PCDHA13: variants seen among roughly 807,000 people sequenced by gnomAD.
The protein encoded by PCDHA13 is protocadherin alpha-13.
PCDHA13 carries 54 observed loss-of-function variants against 64.8 expected under a neutral mutation model. That is an observed-to-expected ratio of 0.83 (90% confidence interval 0.67 to 1.04). The LOEUF (loss-of-function observed/expected upper bound fraction) is 1.04, where lower values mean the gene tolerates loss of function less well. PCDHA13 is among the 50% of genes least tolerant of loss of function. PCDHA13 has a pLI of 0.00. For missense variants in PCDHA13, 1,248 were observed against 1,254.3 expected, an observed-to-expected ratio of 0.99 and a Z score of 0.08; for synonymous variants, 587 against 564.4, an observed-to-expected ratio of 1.04 and a Z score of -0.57.
Position 140,923,432 on chromosome 5 carries a change from G to A in PCDHA13, c.2394+38770G>A, listed in dbSNP as rs116357562. Among the ~76,000 whole-genome samples, 1,228 of 152,230 alleles carry A rather than the reference G, an allele frequency of 8.1e-3. 6 individuals are homozygous for A. The highest frequency in any genetic ancestry group is 0.019 in the African/African-American group (793 of 41,542). The stretch of plus-strand genomic sequence containing the variant: ...AATCCTGGCTACTTGGGAGGCTGGG[G>A]TGGGAGGATCACCTGAGCCCAGAGA... On this transcript the variant is annotated intron_variant, in intron 1 of 3. Transcript: ENST00000289272.
intron 1 of PCDHA13, among the ~76,000 whole-genome samples, chr5:140,974,406 T>C (rs903349256): frequency 3.9e-5 from 6 of 152,226 alleles, no homozygotes; most frequent in Non-Finnish European, 8.8e-5. Flanking sequence ...GTTCTAAAGT[T>C]ATGTTTATTT....
intron 1 of PCDHA13, among the ~76,000 whole-genome samples, chr5:140,960,799 A>C (rs2095571237): frequency 6.6e-6 from 1 of 152,170 alleles, no homozygotes; most frequent in Non-Finnish European, 1.5e-5. Flanking sequence ...TTTCTATTAA[A>C]ATAAGAGGTC....
rs139717123 is a variant in PCDHA13, at chr5:140,967,213, G to A, written c.2395-11736G>A. 8 of 1,613,598 alleles carry A rather than the reference G, an allele frequency of 5.0e-6. No individual in the cohort carries two copies. The African/African-American group carries it at 8.0e-5, about 16-fold the overall frequency. On this transcript the variant is annotated intron_variant, in intron 1 of 3. Coordinates refer to ENST00000289272, the MANE Select transcript of PCDHA13 (RefSeq NM_018904.3). ...TCAACGACAACTCACCGCGTTTCCC[G>A]CGGCCCAACTACCAGCTTCAGGTAA...
rs782807362 is a variant in PCDHA13 at position 140,884,482 on chromosome 5, T to G, written c.2214T>G (p.Thr738=). ...TEGACAPGKP[T]LVCSSAAGSW... is the part of the protein sequence containing the mutation. ...GCGCGTGCGCGCCGGGCAAGCCCACTCTAGTGTGCTCCAGCGCGGCAGGGA... is the reference window on the plus strand; with the variant it reads ...GCGCGTGCGCGCCGGGCAAGCCCACGCTAGTGTGCTCCAGCGCGGCAGGGA... The change falls in exon 1 of 4, where the codon ACT becomes ACG. Residue 738 remains threonine (T), a synonymous_variant. Transcript: ENST00000289272. 1.6e-5 allele frequency: 26 copies of G among 1,613,830 alleles called. No homozygotes were observed. In the East Asian group the frequency reaches 4.5e-4, roughly 28 times the overall value.
chr5:141,000,389 C>A (rs868958582), intron 3 of PCDHA13, among the ~76,000 whole-genome samples: 168 of 62,538 alleles, frequency 2.7e-3, no homozygotes, highest in Non-Finnish European at 3.7e-3. Flanking sequence ...CTCTCTCTCT[C>A]TCTCTCTATA....
At position 140,927,034 on chromosome 5, in the gene PCDHA13, G is replaced by A. The variant is rs782732545; in HGVS notation, c.2394+42372G>A. ...CTCCGCGGACTTGAGGCTGCCAGCG[G>A]CCGCTATGTCCTCGCGGAACTTTCG... On this transcript the variant is annotated intron_variant, in intron 1 of 3. Coordinates refer to ENST00000289272, the MANE Select transcript of PCDHA13 (RefSeq NM_018904.3). 6 of 1,612,400 alleles carry A rather than the reference G, an allele frequency of 3.7e-6. No individual in the cohort carries two copies. The East Asian group carries it at 8.9e-5, about 24-fold the overall frequency.
rs575540619 is a variant in PCDHA13 at position 140,959,917 on chromosome 5, T to A, written c.2395-19032T>A. ...TTTATATCAGAAAAATCAAAGCCATTTGTAAAGCCCCATTACTTAGGCAGA... is the reference window on the plus strand; with the variant it reads ...TTTATATCAGAAAAATCAAAGCCATATGTAAAGCCCCATTACTTAGGCAGA... On this transcript the variant is annotated intron_variant, in intron 1 of 3. Transcript: ENST00000289272. 3.3e-5 allele frequency among the ~76,000 whole-genome samples: 5 copies of A among 152,296 alleles called. No homozygotes were observed. The East Asian group carries it at 9.6e-4, about 29-fold the overall frequency.
At chr5:140,979,973 A>G (rs782560392) in intron 2 of PCDHA13, among the ~76,000 whole-genome samples, 9 of 152,230 alleles carry the variant, frequency 5.9e-5, no homozygotes, top group Non-Finnish European at 1.0e-4. Context: ...ATTAAAATGC[A>G]TTAGATTGAA....
chr5:140,916,406 G>A (rs988786781), intron 1 of PCDHA13, among the ~76,000 whole-genome samples: 1 of 152,186 alleles, frequency 6.6e-6, no homozygotes, highest in Admixed American at 6.5e-5. Flanking sequence ...GATCACACCT[G>A]AAGTCAGCAC....
At position 140,884,122 on chromosome 5, in the gene PCDHA13, G is replaced by T. The variant is rs1212118784; in HGVS notation, c.1854G>T (p.Ala618=). The T allele has an allele frequency of 6.2e-7, 1 of 1,613,188 alleles. No homozygotes were observed. The highest frequency in any genetic ancestry group is 8.5e-7 in the Non-Finnish European group (1 of 1,179,746). ...SYELQLAAVG[A]RIPFRVGLYT... ...AATTGCAGCTGGCGGCGGTCGGCGCGCGCATCCCGTTCCGCGTGGGGCTGT... is the reference window on the plus strand; with the variant it reads ...AATTGCAGCTGGCGGCGGTCGGCGCTCGCATCCCGTTCCGCGTGGGGCTGT... The change falls in exon 1 of 4, where the codon GCG becomes GCT. Residue 618 remains alanine (A), a synonymous_variant. Transcript: ENST00000289272.
In PCDHA13 at chr5:141,011,214, T is replaced by C. The variant is rs2098419822; in HGVS notation, c.*1277T>C. On this transcript the variant is annotated 3_prime_UTR_variant, in exon 4 of 4. Transcript: ENST00000289272. ...ATTGTTTTCTCATACAGTGAGCAGA[T>C]TTTTCAATCTACTAATTCTGTGACT... 1 of 153,748 alleles carries C rather than the reference T, an allele frequency of 6.5e-6. No individual in the cohort carries two copies. Among genetic ancestry groups the C allele is most frequent in the African/African-American group, 2.4e-5 (1 of 41,448 alleles). The allele number at this position is 153,748 out of a possible 1,614,324, so 9.5% of individuals were successfully genotyped here. A position where few individuals can be genotyped will look rare whatever the true frequency, so the allele number is the denominator to read the frequency against.
At chr5:140,904,974 T>C (rs537444148) in intron 1 of PCDHA13, among the ~76,000 whole-genome samples, 97 of 152,356 alleles carry the variant, frequency 6.4e-4, no homozygotes, top group African/African-American at 2.2e-3. Context: ...GTGACTATTT[T>C]CTCCCACTCT....
chr5:141,001,849 T>C (rs889682000), intron 3 of PCDHA13, among the ~76,000 whole-genome samples: 5 of 151,704 alleles, frequency 3.3e-5, no homozygotes, highest in African/African-American at 7.3e-5. Context: ...GAGAGAGAGG[T>C]TGATTAAATT....
At chr5:140,896,318 C>T (rs1036368074) in intron 1 of PCDHA13, among the ~76,000 whole-genome samples, 8 of 152,150 alleles carry the variant, frequency 5.3e-5, no homozygotes, top group African/African-American at 1.9e-4. Flanking sequence ...AACTGCTTTC[C>T]ACAGTGGCTA....
At chr5:140,966,882 C>A (rs782464160) in intron 1 of PCDHA13, 1 of 1,589,690 alleles carries the variant, frequency 6.3e-7, no homozygotes, top group Non-Finnish European at 8.5e-7. Context: ...CTACCTGGCC[C>A]TGCGGCCTCC....
intron 1 of PCDHA13, among the ~76,000 whole-genome samples, chr5:140,896,209 T>C (rs1489640114): frequency 6.6e-6 from 1 of 152,238 alleles, no homozygotes; most frequent in African/African-American, 2.4e-5. Context: ...AACATACACA[T>C]ACATGTGTCT....
chr5:140,977,872 T>A (rs1554238851), intron 1 of PCDHA13, among the ~76,000 whole-genome samples: 1 of 152,258 alleles, frequency 6.6e-6, no homozygotes, highest in African/African-American at 2.4e-5. Flanking sequence ...ATGGTAAGTA[T>A]AATGTAGAGG....
intron 3 of PCDHA13, among the ~76,000 whole-genome samples, chr5:140,992,394 G>A (rs1338899804): frequency 2.0e-5 from 3 of 152,170 alleles, no homozygotes; most frequent in African/African-American, 7.2e-5. Flanking sequence ...TCTGGACTTA[G>A]AGATATTGTT....
chr5:140,953,475 T>C (rs1178172011), intron 1 of PCDHA13, among the ~76,000 whole-genome samples: 3 of 152,140 alleles, frequency 2.0e-5, no homozygotes, highest in African/African-American at 7.2e-5. Context: ...AACTTCCTCA[T>C]GCTGTGTCAC....
Sources: allele counts gnomAD v4.1 joint callset (sites outside exome capture counted in the v4.1 genomes callset), GRCh38; gene constraint gnomAD v4.1.1; transcripts MANE v1.5; gene names NCBI Gene and HGNC (gene_info 2026-07-23, HGNC 2026-07-21).